Variants in DOK5 observed in about 807,000 individuals in gnomAD.
DOK5 encodes the protein docking protein 5.
DOK5 carries 27 observed loss-of-function variants against 43.3 expected under a neutral mutation model. The observed-to-expected ratio is 0.62, with a 90% CI of 0.46 to 0.86. DOK5 has a LOEUF of 0.86. Among genes scored for constraint, DOK5 ranks in the 40% least tolerant of loss-of-function variants. DOK5 has a pLI of 0.00. For missense variants in DOK5, 373 were observed against 392.9 expected, an observed-to-expected ratio of 0.95 and a Z score of 0.43; for synonymous variants, 146 against 140.1, an observed-to-expected ratio of 1.04 and a Z score of -0.30.
At chr20:54,606,339 C>T (rs6091931) in intron 5 of DOK5, among the ~76,000 whole-genome samples, 64,500 of 152,050 alleles carry the variant, frequency 0.42, 19,735 homozygotes, top group African/African-American at 0.86. Flanking sequence ...AGTGTTTGGG[C>T]CACTTGGGGC....
chr20:54,568,757 C>T (rs1985177751), intron 2 of DOK5, among the ~76,000 whole-genome samples: 1 of 151,784 alleles, frequency 6.6e-6, no homozygotes, highest in Admixed American at 6.6e-5. Flanking sequence ...GATGAAACCC[C>T]GTCTCTGCTA....
At chr20:54,491,539 C>T (rs1214227633) in intron 1 of DOK5, among the ~76,000 whole-genome samples, 1 of 152,092 alleles carries the variant, frequency 6.6e-6, no homozygotes, top group Non-Finnish European at 1.5e-5. Flanking sequence ...CAATTTTCAC[C>T]CCTGTCCTAC....
In DOK5 at chr20:54,544,176, T is replaced by G. The variant is rs183235176; in HGVS notation, c.67-10757T>G. Reference sequence around the variant, plus strand: ...TTTTCTTTACAGTAAATTTAAAATATATCTTGATATCCACTGTTCAATTTT... The same window carrying G: ...TTTTCTTTACAGTAAATTTAAAATAGATCTTGATATCCACTGTTCAATTTT... On this transcript the variant is annotated intron_variant, in intron 1 of 7. Transcript: ENST00000262593. 7.9e-5 allele frequency among the ~76,000 whole-genome samples: 12 copies of G among 152,352 alleles called. No individual in the cohort carries two copies. In the East Asian group the frequency reaches 2.3e-3, roughly 29 times the overall value.
chr20:54,555,290 T>C lies in DOK5; in HGVS notation c.174+250T>C, dbSNP rs113806966. 602 of 421,838 alleles carry C rather than the reference T, an allele frequency of 1.4e-3. 6 individuals are homozygous for C. The highest frequency in any genetic ancestry group is 0.011 in the African/African-American group (556 of 49,648). 26.1% of individuals were successfully genotyped at this position (421,838 alleles called of 1,614,324 possible). A position where few individuals can be genotyped will look rare whatever the true frequency, so the allele number is the denominator to read the frequency against. On this transcript the variant is annotated intron_variant, in intron 2 of 7. Transcript: ENST00000262593. ...TTTCCAGTCTCTGCTATGGGACTTA[T>C]CATGTTGTTGTACTCCCTACACTGA... is the stretch of plus-strand genomic sequence containing the variant.
intron 1 of DOK5, among the ~76,000 whole-genome samples, chr20:54,516,271 A>G (rs1983193892): frequency 6.6e-6 from 1 of 152,228 alleles, no homozygotes; most frequent in South Asian, 2.1e-4. Context: ...AGAAAAAAAT[A>G]TGAATTTGAA....
intron 1 of DOK5, 103 bp downstream of exon 1, chr20:54,476,115 G>C: frequency 1.3e-6 from 2 of 1,565,638 alleles, no homozygotes; most frequent in Admixed American, 2.0e-5. Context: ...CCGCGCGCCG[G>C]AGAATTGCGC....
intron 2 of DOK5, among the ~76,000 whole-genome samples, chr20:54,556,997 A>G (rs1018439317): frequency 1.3e-5 from 2 of 152,112 alleles, no homozygotes; most frequent in African/African-American, 4.8e-5. Context: ...CATTATAGGA[A>G]CTCCTCAAAT....
chr20:54,521,548 A>G (rs1275016121), intron 1 of DOK5, among the ~76,000 whole-genome samples: 24 of 152,162 alleles, frequency 1.6e-4, no homozygotes, highest in Non-Finnish European at 2.9e-5. Flanking sequence ...TGTATATGGT[A>G]TGGGGTGTGA....
At chr20:54,541,724 A>G (rs1214146316) in intron 1 of DOK5, among the ~76,000 whole-genome samples, 1 of 152,156 alleles carries the variant, frequency 6.6e-6, no homozygotes, top group East Asian at 1.9e-4. Flanking sequence ...GGTGTGAACC[A>G]CCGTGCCCGG....
At chr20:54,637,936 C>T (rs571064682) in intron 6 of DOK5, among the ~76,000 whole-genome samples, 8 of 152,248 alleles carry the variant, frequency 5.3e-5, no homozygotes, top group East Asian at 3.9e-4. Context: ...TCGTGGCTAA[C>T]ACGGTGAAAC....
intron 2 of DOK5, among the ~76,000 whole-genome samples, chr20:54,566,471 T>G (rs1458461225): frequency 6.6e-6 from 1 of 152,212 alleles, no homozygotes; most frequent in Non-Finnish European, 1.5e-5. Context: ...ATATGGTAGT[T>G]GCACGTTTAG....
chr20:54,622,873 C>T (rs965011764), intron 6 of DOK5, among the ~76,000 whole-genome samples: 4 of 152,080 alleles, frequency 2.6e-5, no homozygotes, highest in African/African-American at 7.2e-5. Flanking sequence ...GAAATCAATT[C>T]AGTGCAGTTT....
intron 7 of DOK5, among the ~76,000 whole-genome samples, chr20:54,646,718 C>G (rs1305813424): frequency 6.6e-6 from 1 of 152,102 alleles, no homozygotes; most frequent in Non-Finnish European, 1.5e-5. Context: ...CTTCCCTCTC[C>G]CCTACTTTTC....
intron 1 of DOK5, among the ~76,000 whole-genome samples, chr20:54,528,033 C>A (rs896278054): frequency 1.1e-4 from 16 of 152,198 alleles, no homozygotes; most frequent in East Asian, 1.9e-4. Context: ...ATGGTGAAAC[C>A]CTGTCTCTAC....
rs192993234 is a variant in DOK5, at chr20:54,516,294, G to T, written c.67-38639G>T. Among the ~76,000 whole-genome samples the T allele has an allele frequency of 1.3e-4, 20 of 152,220 alleles. No homozygotes were observed. In the East Asian group the frequency reaches 3.9e-3, roughly 29 times the overall value. The stretch of plus-strand genomic sequence containing the variant: ...ATATGAATTTGAAAATGATGTGGGG[G>T]TTGTTTTATTCAAATTGGGGTTCTA... On this transcript the variant is annotated intron_variant, in intron 1 of 7. Transcript: ENST00000262593.
intron 1 of DOK5, 74 bp from the exon 2 acceptor site, chr20:54,554,859 A>C: frequency 1.1e-6 from 1 of 950,840 alleles, no homozygotes; most frequent in South Asian, 1.5e-5. Flanking sequence ...AGGTGAAAAC[A>C]TCAAAAAGAA....
chr20:54,510,228 C>T (rs1982969212), intron 1 of DOK5, among the ~76,000 whole-genome samples: 1 of 152,192 alleles, frequency 6.6e-6, no homozygotes, highest in Non-Finnish European at 1.5e-5. Flanking sequence ...GTTCTCCTTT[C>T]TCCCTTCCTT....
chr20:54,627,823 A>T (rs758873513), intron 6 of DOK5, among the ~76,000 whole-genome samples: 20 of 152,188 alleles, frequency 1.3e-4, no homozygotes, highest in Non-Finnish European at 2.5e-4. Flanking sequence ...AGACCAGGTA[A>T]CATGCTTTCA....
chr20:54,532,585 T>A (rs879433086), intron 1 of DOK5, among the ~76,000 whole-genome samples: 31 of 152,306 alleles, frequency 2.0e-4, no homozygotes, highest in Non-Finnish European at 3.8e-4. Flanking sequence ...TCTTCACAGC[T>A]TGGCACAAGT....
Sources: gnomAD v4.1 joint callset for allele counts (sites outside exome capture counted in the v4.1 genomes callset) on GRCh38, gnomAD v4.1.1 for gene constraint, MANE v1.5 for transcripts, NCBI Gene and HGNC (gene_info 2026-07-23, HGNC 2026-07-21) for gene names.